AOAH: variants seen among roughly 807,000 people sequenced by gnomAD.
AOAH encodes acyloxyacyl hydrolase (neutrophil).
Under a neutral mutation model 92.2 loss-of-function variants are expected in AOAH, and 64 were observed. The ratio of observed to expected loss-of-function variants is 0.69; its 90% CI spans 0.57 to 0.86. The LOEUF is 0.86. AOAH is among the 40% of genes least tolerant of loss of function. AOAH has a pLI of 0.00. For synonymous variants in AOAH, 263 were observed against 254.5 expected (o/e 1.03, Z -0.32); for missense variants, 656 against 694.6 (o/e 0.94, Z 0.62).
chr7:36,529,346 G>A (rs1784566028), intron 19 of AOAH, among the ~76,000 whole-genome samples: 1 of 152,124 alleles, frequency 6.6e-6, no homozygotes, highest in Non-Finnish European at 1.5e-5. Context: ...TTTACACCAG[G>A]AATTCATTAA....
chr7:36,556,291 G>T (rs369916611), intron 13 of AOAH, among the ~76,000 whole-genome samples: 3 of 152,158 alleles, frequency 2.0e-5, no homozygotes, highest in Admixed American at 6.5e-5. Flanking sequence ...TAGTTGAGCG[G>T]TTTTGAGTGA....
Position 36,713,722 on chromosome 7 carries a change from G to C in AOAH, c.127+10300C>G, listed in dbSNP as rs141419001. Among the ~76,000 whole-genome samples, 5 of 152,336 alleles carry C rather than the reference G, an allele frequency of 3.3e-5. No individual in the cohort carries two copies. The East Asian group carries it at 9.6e-4, about 29-fold the overall frequency. On this transcript the variant is annotated intron_variant, in intron 1 of 20. Coordinates refer to ENST00000617537, the MANE Select transcript of AOAH (RefSeq NM_001637.4). ...GAAACTGAACAACCTGCTCCTGAATGACTACTGGGTACATAACATAATGAA... is the reference window on the plus strand; with the variant it reads ...GAAACTGAACAACCTGCTCCTGAATCACTACTGGGTACATAACATAATGAA...
intron 4 of AOAH, among the ~76,000 whole-genome samples, chr7:36,649,825 G>T (rs1237746847): frequency 6.6e-6 from 1 of 152,168 alleles, no homozygotes; most frequent in Non-Finnish European, 1.5e-5. Flanking sequence ...GATCTGGCAG[G>T]GTGTCCGCTG....
At chr7:36,627,551 A>AAAAC (rs200323338) in intron 6 of AOAH, among the ~76,000 whole-genome samples, 61 of 152,168 alleles carry the variant, frequency 4.0e-4, no homozygotes, top group African/African-American at 1.3e-3. Context: ...CACTCAAAAA[A>AAAAC]AAAACAAAAC....
At chr7:36,657,526 C>G (rs1221956983) in intron 4 of AOAH, among the ~76,000 whole-genome samples, 1 of 152,164 alleles carries the variant, frequency 6.6e-6, no homozygotes, top group Admixed American at 6.5e-5. Context: ...CATGTGTATA[C>G]CCATTGTCCC....
rs183185602 is a variant in AOAH, at chr7:36,625,324, T to G, written c.522-2074A>C. On this transcript the variant is annotated intron_variant, in intron 6 of 20. Coordinates refer to ENST00000617537, the MANE Select transcript of AOAH (RefSeq NM_001637.4). Reference sequence around the variant, plus strand: ...GGAGTCAGTTGGAGTCACTGCTCCATCCACCGCTTCCTCACCAGCTCGGCA... The same window carrying G: ...GGAGTCAGTTGGAGTCACTGCTCCAGCCACCGCTTCCTCACCAGCTCGGCA... Among the ~76,000 whole-genome samples the G allele has an allele frequency of 3.3e-5, 5 of 152,294 alleles. No homozygotes were observed. The East Asian group carries it at 7.7e-4, about 24-fold the overall frequency.
At chr7:36,720,899 T>A (rs1359815064) in intron 1 of AOAH, among the ~76,000 whole-genome samples, 1 of 152,210 alleles carries the variant, frequency 6.6e-6, no homozygotes, top group Non-Finnish European at 1.5e-5. Context: ...CTGCTTTTTG[T>A]CAGAAAGTTG....
chr7:36,647,775 G>A (rs11771843), intron 4 of AOAH, among the ~76,000 whole-genome samples: 29,553 of 151,554 alleles, frequency 0.2, 3,180 homozygotes, highest in Middle Eastern at 0.24. Flanking sequence ...GAGAAAAGAT[G>A]GAACAATAGA....
At chr7:36,518,838 G>A (rs1783964150) in intron 20 of AOAH, among the ~76,000 whole-genome samples, 1 of 152,154 alleles carries the variant, frequency 6.6e-6, no homozygotes, top group African/African-American at 2.4e-5. Flanking sequence ...CGATGATCTG[G>A]AATCATGCTG....
intron 4 of AOAH, among the ~76,000 whole-genome samples, chr7:36,644,837 A>G (rs1794127096): frequency 6.7e-6 from 1 of 150,258 alleles, no homozygotes; most frequent in Non-Finnish European, 1.5e-5. Context: ...GATTCTCACA[A>G]AGGAGAAAGC....
At chr7:36,618,410 C>A (rs1792046990) in intron 9 of AOAH, 65 bp from the exon 10 acceptor site, 1 of 1,474,876 alleles carries the variant, frequency 6.8e-7, no homozygotes, top group Admixed American at 1.7e-5. Flanking sequence ...TATACTAAAG[C>A]TCTCCTAAAT....
intron 13 of AOAH, among the ~76,000 whole-genome samples, chr7:36,568,409 A>C (rs1459483461): frequency 6.6e-6 from 1 of 152,182 alleles, no homozygotes; most frequent in East Asian, 1.9e-4. Flanking sequence ...TTGCAGGGAA[A>C]TATTTTGGTG....
chr7:36,590,337 C>T (rs12671771), intron 12 of AOAH, among the ~76,000 whole-genome samples: 36,049 of 151,622 alleles, frequency 0.24, 5,235 homozygotes, highest in African/African-American at 0.4. Context: ...CCTACTCAAT[C>T]TCTTCCTGAA....
At chr7:36,558,459 A>C (rs1786976947) in intron 13 of AOAH, among the ~76,000 whole-genome samples, 1 of 152,244 alleles carries the variant, frequency 6.6e-6, no homozygotes, top group Non-Finnish European at 1.5e-5. Context: ...TTGAGGAGGC[A>C]GTCTGCCTGT....
chr7:36,585,985 T>C (rs567026336), intron 12 of AOAH, among the ~76,000 whole-genome samples: 3 of 152,250 alleles, frequency 2.0e-5, no homozygotes, highest in African/African-American at 7.2e-5. Context: ...GGTGAAGGGC[T>C]TTGTCAATAT....
At chr7:36,577,024 C>CTTTTT (rs565396541) in intron 12 of AOAH, among the ~76,000 whole-genome samples, 1 of 131,420 alleles carries the variant, frequency 7.6e-6, no homozygotes, top group Non-Finnish European at 1.6e-5. Context: ...TGTTGCCTTT[C>CTTTTT]TTTTTTTTTT....
intron 3 of AOAH, among the ~76,000 whole-genome samples, chr7:36,669,149 T>G (rs1795744235): frequency 6.6e-6 from 1 of 152,166 alleles, no homozygotes; most frequent in Non-Finnish European, 1.5e-5. Flanking sequence ...TAGAGCCTTT[T>G]TCACTTGAAA....
In AOAH at chr7:36,516,693, CTG is replaced by C. The variant is rs202235024; in HGVS notation, c.1600-3315_1600-3314del. 3.3e-3 allele frequency among the ~76,000 whole-genome samples: 499 copies of C among 152,290 alleles called. 3 individuals carry two copies. The highest frequency in any genetic ancestry group is 0.01 in the African/African-American group (426 of 41,554). On this transcript the variant is annotated intron_variant, in intron 20 of 20. Coordinates refer to ENST00000617537, the MANE Select transcript of AOAH (RefSeq NM_001637.4). The surrounding 1 kb of genome is among the most constrained non-coding windows in gnomAD (Gnocchi z 5.0). The stretch of plus-strand genomic sequence containing the variant: ...TCAACAAAGGAGGCTGCTGCCAGGT[CTG>C]TGGAAAATTACTGGTTCTTCTTTTT...
rs184009372 is a variant in AOAH at position 36,569,515 on chromosome 7, G to A, written c.1021+7059C>T. On this transcript the variant is annotated intron_variant, in intron 13 of 20. Transcript: ENST00000617537. ...TATCTATCTATCTATCTATCTATCTGTCTATCTTTCTACCAGATTTACATA... is the reference window on the plus strand; with the variant it reads ...TATCTATCTATCTATCTATCTATCTATCTATCTTTCTACCAGATTTACATA... Among the ~76,000 whole-genome samples, 920 of 133,694 alleles carry A rather than the reference G, an allele frequency of 6.9e-3. 9 individuals carry two copies. Among genetic ancestry groups the A allele is most frequent in the African/African-American group, 0.021 (753 of 35,900 alleles). 87.7% of individuals were successfully genotyped at this position (133,694 alleles called of 152,430 possible). A position where few individuals can be genotyped will look rare whatever the true frequency, so the allele number is the denominator to read the frequency against.
Sources: gnomAD v4.1 joint callset for allele counts (sites outside exome capture counted in the v4.1 genomes callset) on GRCh38, gnomAD v4.1.1 for gene constraint, Gnocchi (gnomAD v3.1) non-coding constraint, MANE v1.5 for transcripts, NCBI Gene and HGNC (gene_info 2026-07-23, HGNC 2026-07-21) for gene names.